The following DNAJC1 variants were observed in gnomAD, a reference collection of about 807,000 sequenced individuals.
DNAJC1 encodes DnaJ heat shock protein family (Hsp40) member C1.
In DNAJC1, 58 loss-of-function variants were observed where a neutral mutation model predicts 76.6. The observed-to-expected ratio is 0.76, with a 90% CI of 0.61 to 0.94. The LOEUF (loss-of-function observed/expected upper bound fraction) is 0.94. Ranked by LOEUF, DNAJC1 falls within the 40% of genes least tolerant of loss-of-function variation. The pLI is 0.00. For synonymous variants in DNAJC1, 258 were observed against 267.9 expected (o/e 0.96, Z 0.36); for missense variants, 689 against 677.3 (o/e 1.02, Z -0.19).
At chr10:21,893,620 C>T (rs928345263) in intron 7 of DNAJC1, among the ~76,000 whole-genome samples, 1 of 151,402 alleles carries the variant, frequency 6.6e-6, no homozygotes, top group Non-Finnish European at 1.5e-5. Context: ...GAGTGAGACT[C>T]AGTTAAAAAA....
chr10:21,998,519 G>A (rs949128900), intron 1 of DNAJC1, among the ~76,000 whole-genome samples: 1 of 151,800 alleles, frequency 6.6e-6, no homozygotes, highest in East Asian at 1.9e-4. Flanking sequence ...AGATGGTAAC[G>A]AAAGATCTTT....
At chr10:21,804,588 T>G (rs1227562832) in intron 9 of DNAJC1, among the ~76,000 whole-genome samples, 3 of 151,246 alleles carry the variant, frequency 2.0e-5, no homozygotes, top group Non-Finnish European at 2.9e-5. Flanking sequence ...GTAACATGTT[T>G]AGCTGAAGAA....
Position 21,772,494 on chromosome 10 carries a change from G to A in DNAJC1, c.1099-6185C>T, listed in dbSNP as rs987378752. Among the ~76,000 whole-genome samples the A allele has an allele frequency of 1.4e-4, 22 of 151,850 alleles. No homozygotes were observed. The East Asian group carries it at 3.5e-3, about 24-fold the overall frequency. On this transcript the variant is annotated intron_variant, in intron 9 of 11. Coordinates refer to ENST00000376980, the MANE Select transcript of DNAJC1 (RefSeq NM_022365.4). ...GAATTTATTCATTTCACTTCTATTAGAAAAATAGCCATCTAATTTCTTGAC... is the reference window on the plus strand; with the variant it reads ...GAATTTATTCATTTCACTTCTATTAAAAAAATAGCCATCTAATTTCTTGAC...
chr10:21,867,352 T>C (rs983643413), intron 8 of DNAJC1, among the ~76,000 whole-genome samples: 4 of 152,096 alleles, frequency 2.6e-5, no homozygotes, highest in African/African-American at 9.7e-5. Flanking sequence ...CTGTCTAATA[T>C]GGTAGCTGTC....
chr10:21,899,936 G>A (rs1437866784), intron 7 of DNAJC1, among the ~76,000 whole-genome samples: 1 of 152,172 alleles, frequency 6.6e-6, no homozygotes, highest in Admixed American at 6.5e-5. Context: ...AAGTTGCTGT[G>A]GGTGTCAGTG....
At chr10:21,988,330 G>A (rs1173590527) in intron 1 of DNAJC1, among the ~76,000 whole-genome samples, 1 of 151,858 alleles carries the variant, frequency 6.6e-6, no homozygotes, top group East Asian at 1.9e-4. Context: ...TTTCCATGTT[G>A]TTACCCTCAA....
At chr10:21,923,988 G>A (rs972504056) in intron 3 of DNAJC1, among the ~76,000 whole-genome samples, 5 of 151,936 alleles carry the variant, frequency 3.3e-5, no homozygotes, top group African/African-American at 1.2e-4. Flanking sequence ...GCCTAATTAT[G>A]AATCTTCTGT....
Position 21,766,320 on chromosome 10 carries a change from A to T in DNAJC1, c.1099-11T>A. On this transcript the variant is annotated splice_polypyrimidine_tract_variant and intron_variant, in intron 9 of 11. Transcript: ENST00000376980. ...GGCTTTGGTTGTCACCTGTTTCAAA[A>T]CATAAAAGCAAAAATCTTACTTTCC... 1 of 1,612,320 alleles carries T rather than the reference A, an allele frequency of 6.2e-7. No individual in the cohort carries two copies.
chr10:21,855,658 T>C (rs117035538), intron 8 of DNAJC1, among the ~76,000 whole-genome samples: 2 of 152,212 alleles, frequency 1.3e-5, no homozygotes, highest in Non-Finnish European at 2.9e-5. Flanking sequence ...TCAAACTAAT[T>C]ACATTTAGAA....
intron 8 of DNAJC1, among the ~76,000 whole-genome samples, chr10:21,823,499 T>G (rs1835192761): frequency 6.6e-6 from 1 of 152,174 alleles, no homozygotes; most frequent in Admixed American, 6.5e-5. Flanking sequence ...CTGATGAGTA[T>G]TTTCCTTAAT....
At position 21,977,027 on chromosome 10, in the gene DNAJC1, G is replaced by C. The variant is rs76658758; in HGVS notation, c.222+26186C>G. ...TGGTAAGCAACAGAAGCAAAAAGCA[G>C]TGACAGTCTCCAATTTGCTCTCATC... On this transcript the variant is annotated intron_variant, in intron 1 of 11. Coordinates refer to ENST00000376980, the MANE Select transcript of DNAJC1 (RefSeq NM_022365.4). 5.7e-3 allele frequency among the ~76,000 whole-genome samples: 869 copies of C among 152,254 alleles called. 7 individuals carry two copies. The highest frequency in any genetic ancestry group is 0.02 in the African/African-American group (825 of 41,560).
At chr10:21,837,201 G>A (rs1455757491) in intron 8 of DNAJC1, among the ~76,000 whole-genome samples, 2 of 152,198 alleles carry the variant, frequency 1.3e-5, no homozygotes, top group African/African-American at 2.4e-5. Flanking sequence ...ACGGAGTCTC[G>A]TTCACTCAGT....
chr10:21,910,839 G>GAGGAGAGGAC (rs1372503638), intron 6 of DNAJC1, among the ~76,000 whole-genome samples: 10 of 58,164 alleles, frequency 1.7e-4, no homozygotes, highest in East Asian at 1.3e-3. Flanking sequence ...AAGGAGAGGA[G>GAGGAGAGGAC]AGGAGAGGAG....
At chr10:22,003,141 C>T in intron 1 of DNAJC1, 72 bp downstream of exon 1, 2 of 1,392,602 alleles carry the variant, frequency 1.4e-6, no homozygotes, top group South Asian at 3.4e-5. Flanking sequence ...GTCCGGCTGT[C>T]TCTGAGGAAC....
chr10:21,910,292 T>C (rs1048204746), intron 6 of DNAJC1, among the ~76,000 whole-genome samples: 2 of 152,062 alleles, frequency 1.3e-5, no homozygotes, highest in African/African-American at 2.4e-5. Context: ...ATATTTATAT[T>C]TTTAGTAAGA....
chr10:21,856,903 T>A (rs970813653), intron 8 of DNAJC1, among the ~76,000 whole-genome samples: 1 of 151,932 alleles, frequency 6.6e-6, no homozygotes, highest in Non-Finnish European at 1.5e-5. Flanking sequence ...ACCTGGCTAA[T>A]TTTTGTATTT....
chr10:21,938,562 T>C (rs1837351933), intron 1 of DNAJC1, among the ~76,000 whole-genome samples: 1 of 152,178 alleles, frequency 6.6e-6, no homozygotes, highest in South Asian at 2.1e-4. Context: ...ATTACAACCA[T>C]TAAATCCTGC....
chr10:21,928,544 G>A lies in DNAJC1; in HGVS notation c.333C>T (p.Ala111=), dbSNP rs775753766. The A allele has an allele frequency of 6.2e-7, 1 of 1,611,196 alleles. No homozygotes were observed. The highest frequency in any genetic ancestry group is 8.5e-7 in the Non-Finnish European group (1 of 1,177,966). The change falls in exon 3 of 12, where the codon GCC becomes GCT. Residue 111 remains alanine, a synonymous_variant. Coordinates refer to ENST00000376980, the MANE Select transcript of DNAJC1 (RefSeq NM_022365.4). ...NAETQFRQLV[A]IYEVLKDDER... ...CATCATCCTTTAAAACTTCATAAAT[G>A]GCCACCAACTAAAATAAAAGCATTA... is the stretch of plus-strand genomic sequence containing the variant.
chr10:21,797,476 T>A (rs963777640), intron 9 of DNAJC1, among the ~76,000 whole-genome samples: 1 of 152,336 alleles, frequency 6.6e-6, no homozygotes, highest in South Asian at 2.1e-4. Context: ...TTTCTAGTTC[T>A]GTAAATCAAT....
Sources: allele counts gnomAD v4.1 joint callset (sites outside exome capture counted in the v4.1 genomes callset), GRCh38; gene constraint gnomAD v4.1.1; transcripts MANE v1.5; gene names NCBI Gene and HGNC (gene_info 2026-07-23, HGNC 2026-07-21).